Variants in MSH4 observed in about 807,000 individuals in gnomAD.
The protein encoded by MSH4 is mutS protein homolog 4.
In MSH4, 106 loss-of-function variants were observed where a neutral mutation model predicts 113.7. The observed-to-expected ratio is 0.93, with a 90% CI of 0.80 to 1.10. The LOEUF (loss-of-function observed/expected upper bound fraction) is 1.10, where lower values mean the gene tolerates loss of function less well. Ranked by LOEUF, MSH4 falls within the 50% of genes least tolerant of loss-of-function variation. The pLI is 0.00. For synonymous variants in MSH4, 368 were observed against 380.2 expected (o/e 0.97, Z 0.37); for missense variants, 1,061 against 1,093.7 (o/e 0.97, Z 0.42).
intron 7 of MSH4, among the ~76,000 whole-genome samples, chr1:75,824,511 A>G (rs1457725762): frequency 1.3e-5 from 2 of 152,094 alleles, no homozygotes; most frequent in African/African-American, 4.8e-5. Flanking sequence ...TTTTGTTGCC[A>G]TTGCTTTTGG....
intron 3 of MSH4, among the ~76,000 whole-genome samples, chr1:75,809,042 G>C (rs1176168614): frequency 6.6e-6 from 1 of 152,064 alleles, no homozygotes; most frequent in East Asian, 1.9e-4. Context: ...GGGACCACAG[G>C]CATGCACCAC....
intron 7 of MSH4, among the ~76,000 whole-genome samples, chr1:75,829,637 T>G (rs1650638112): frequency 6.6e-6 from 1 of 152,220 alleles, no homozygotes; most frequent in African/African-American, 2.4e-5. Context: ...CAATATTTGC[T>G]GTTCCGCAGC....
chr1:75,854,091 C>G (rs1346592746), intron 8 of MSH4, among the ~76,000 whole-genome samples: 4 of 146,552 alleles, frequency 2.7e-5, no homozygotes, highest in Non-Finnish European at 6.0e-5. Flanking sequence ...AATAGAAAAT[C>G]ATACGTTCAT....
intron 19 of MSH4, among the ~76,000 whole-genome samples, chr1:75,909,605 G>T (rs1652744062): frequency 6.6e-6 from 1 of 151,884 alleles, no homozygotes; most frequent in Non-Finnish European, 1.5e-5. Context: ...AGTCCCGCAT[G>T]CATTAGATAT....
intron 8 of MSH4, among the ~76,000 whole-genome samples, chr1:75,863,818 T>C (rs1415219977): frequency 6.6e-6 from 1 of 152,196 alleles, no homozygotes; most frequent in African/African-American, 2.4e-5. Flanking sequence ...TCTACCTTCC[T>C]GTTTATTATT....
chr1:75,843,188 C>T (rs1439693450), intron 7 of MSH4, among the ~76,000 whole-genome samples: 2 of 152,210 alleles, frequency 1.3e-5, no homozygotes, highest in Non-Finnish European at 2.9e-5. Flanking sequence ...ACACTCTTTA[C>T]CCTGCCCCTT....
intron 19 of MSH4, among the ~76,000 whole-genome samples, chr1:75,912,048 A>G (rs1021051766): frequency 9.2e-5 from 14 of 152,148 alleles, no homozygotes; most frequent in African/African-American, 3.4e-4. Flanking sequence ...TTTCTTGGGT[A>G]TCCCGAAGTT....
chr1:75,838,779 CT>C (rs1368367389), intron 7 of MSH4, among the ~76,000 whole-genome samples: 5 of 152,272 alleles, frequency 3.3e-5, no homozygotes, highest in African/African-American at 1.2e-4. Context: ...TCCTCCTTCC[CT>C]GCAACCCCTT....
At chr1:75,912,052 C>T (rs774263800) in intron 19 of MSH4, among the ~76,000 whole-genome samples, 13 of 151,878 alleles carry the variant, frequency 8.6e-5, no homozygotes, top group African/African-American at 1.9e-4. Context: ...TTGGGTATCC[C>T]GAAGTTTAGT....
intron 15 of MSH4, among the ~76,000 whole-genome samples, chr1:75,885,027 ATATG>A (rs1299846290): frequency 1.5e-4 from 18 of 121,294 alleles, no homozygotes; most frequent in African/African-American, 2.8e-4. Context: ...GTATATATAT[ATATG>A]TGTGTGTGTG....
chr1:75,862,727 A>C (rs1203778514), intron 8 of MSH4, among the ~76,000 whole-genome samples: 1 of 152,176 alleles, frequency 6.6e-6, no homozygotes, highest in African/African-American at 2.4e-5. Flanking sequence ...TGAATACAGT[A>C]TTTACTAAGT....
chr1:75,843,396 C>T (rs981131523), intron 7 of MSH4, among the ~76,000 whole-genome samples: 23 of 152,090 alleles, frequency 1.5e-4, no homozygotes, highest in Admixed American at 5.2e-4. Context: ...CTACAGAAAA[C>T]GAAGGGGTAA....
chr1:75,850,546 T>C (rs906074240), intron 8 of MSH4, among the ~76,000 whole-genome samples: 1 of 152,026 alleles, frequency 6.6e-6, no homozygotes, highest in Non-Finnish European at 1.5e-5. Context: ...CCTTTTAGCT[T>C]TATTGACTTT....
At chr1:75,905,848 T>C (rs1164037518) in intron 19 of MSH4, among the ~76,000 whole-genome samples, 4 of 152,166 alleles carry the variant, frequency 2.6e-5, no homozygotes, top group African/African-American at 9.6e-5. Context: ...GTCTATCTTA[T>C]CTGATATAAA....
At chr1:75,863,801 T>G (rs924232527) in intron 8 of MSH4, among the ~76,000 whole-genome samples, 1 of 152,216 alleles carries the variant, frequency 6.6e-6, no homozygotes, top group African/African-American at 2.4e-5. Context: ...AAGAGTATTC[T>G]TTTCTTTCTA....
intron 9 of MSH4, among the ~76,000 whole-genome samples, chr1:75,870,117 A>G (rs1301657050): frequency 6.6e-6 from 1 of 152,178 alleles, no homozygotes; most frequent in Non-Finnish European, 1.5e-5. Flanking sequence ...GAAGGAGATC[A>G]TTTTGGAGCT....
At chr1:75,836,544 A>C (rs1314446683) in intron 7 of MSH4, among the ~76,000 whole-genome samples, 1 of 152,122 alleles carries the variant, frequency 6.6e-6, no homozygotes, top group East Asian at 1.9e-4. Context: ...TTACTGGCAC[A>C]TAAATCCTTG....
intron 9 of MSH4, among the ~76,000 whole-genome samples, chr1:75,869,594 C>T (rs747338997): frequency 1.3e-5 from 2 of 152,186 alleles, no homozygotes; most frequent in Non-Finnish European, 2.9e-5. Flanking sequence ...GTCGCAGTTG[C>T]TCCAGCTATG....
At chr1:75,907,406 C>T (rs1436580611) in intron 19 of MSH4, among the ~76,000 whole-genome samples, 3 of 151,552 alleles carry the variant, frequency 2.0e-5, no homozygotes, top group Non-Finnish European at 4.4e-5. Context: ...ATGTTATTTG[C>T]TTCTTTTCTC....
Sources: allele counts gnomAD v4.1 joint callset (sites outside exome capture counted in the v4.1 genomes callset), GRCh38; gene constraint gnomAD v4.1.1; transcripts MANE v1.5; gene names NCBI Gene and HGNC (gene_info 2026-07-23, HGNC 2026-07-21).